The following MAP3K13 variants were observed in gnomAD, a reference collection of about 807,000 sequenced individuals.
MAP3K13 encodes mitogen-activated protein kinase kinase kinase 13.
MAP3K13 carries 52 observed loss-of-function variants against 104.0 expected under a neutral mutation model. That is an observed-to-expected ratio of 0.50 (90% CI 0.40 to 0.63). MAP3K13 has a LOEUF of 0.63. MAP3K13 is among the 20% of genes least tolerant of loss of function. The pLI is 0.00. For synonymous variants in MAP3K13, 394 were observed against 442.2 expected (o/e 0.89, Z 1.37); for missense variants, 914 against 1,218.5 (o/e 0.75, Z 3.72).
In MAP3K13 at chr3:185,486,271, T is replaced by TA. The variant is rs1192453001; in HGVS notation, c.*3816dup. Reference sequence around the variant, plus strand: ...CATACACCTTATGTGGATTAACTGTTATGAGTATGTTAGGGTAGTACGTAG... The same window carrying TA: ...CATACACCTTATGTGGATTAACTGTTAATGAGTATGTTAGGGTAGTACGTAG... On this transcript the variant is annotated 3_prime_UTR_variant, in exon 14 of 14. Transcript: ENST00000265026. The TA allele has an allele frequency of 6.6e-6, 1 of 152,214 alleles. No homozygotes were observed. Among genetic ancestry groups the TA allele is most frequent in the Non-Finnish European group, 1.5e-5 (1 of 68,032 alleles). The allele number at this position is 152,214 out of a possible 1,614,324, so 9.4% of individuals were successfully genotyped here.
chr3:185,423,269 A>C lies in MAP3K13; in HGVS notation c.-85-5228A>C, dbSNP rs1482635257. On this transcript the variant is annotated intron_variant, in intron 1 of 13. Coordinates refer to ENST00000265026, the MANE Select transcript of MAP3K13 (RefSeq NM_004721.5). This position sits in a 1 kb window ranked among gnomAD's most constrained non-coding sequence, Gnocchi z 4.1. ...GTCCGTGGAAGTAGTGTCTTCCACA[A>C]AACTGGTCCCTGGTGCCAAAGAGGT... 6.6e-6 allele frequency among the ~76,000 whole-genome samples: 1 copy of C among 152,214 alleles called. No individual in the cohort carries two copies. The highest frequency in any genetic ancestry group is 1.5e-5 in the Non-Finnish European group (1 of 68,034).
At chr3:185,393,994 C>G (rs531906578) in intron 1 of MAP3K13, among the ~76,000 whole-genome samples, 1 of 152,004 alleles carries the variant, frequency 6.6e-6, no homozygotes, top group Non-Finnish European at 1.5e-5. Flanking sequence ...CAAGTGTGGC[C>G]ACTTATTCAA....
chr3:185,410,405 AT>A (rs1713368006), intron 1 of MAP3K13, among the ~76,000 whole-genome samples: 1 of 152,176 alleles, frequency 6.6e-6, no homozygotes, highest in African/African-American at 2.4e-5. Context: ...GATAGGAGGA[AT>A]AAATTCTACA....
chr3:185,455,329 T>TGA (rs1174355269), intron 7 of MAP3K13, among the ~76,000 whole-genome samples: 22 of 35,288 alleles, frequency 6.2e-4, no homozygotes, highest in South Asian at 1.8e-3. Flanking sequence ...GAGATATATA[T>TGA]GATATATATG....
intron 2 of MAP3K13, among the ~76,000 whole-genome samples, chr3:185,288,180 A>ATCCAAGGACAGATTCT (rs1209811849): frequency 6.6e-6 from 1 of 152,284 alleles, no homozygotes; most frequent in East Asian, 1.9e-4. Flanking sequence ...AATGAATTGA[A>ATCCAAGGACAGATTCT]TCCAAGGACA....
intron 9 of MAP3K13, among the ~76,000 whole-genome samples, chr3:185,466,362 G>A (rs1176179999): frequency 7.0e-6 from 1 of 142,080 alleles, no homozygotes; most frequent in Non-Finnish European, 1.5e-5. Context: ...TTTGAATTTA[G>A]TATTTCCTTT....
At chr3:185,321,014 T>C (rs545200131) in intron 2 of MAP3K13, among the ~76,000 whole-genome samples, 1 of 131,718 alleles carries the variant, frequency 7.6e-6, no homozygotes, top group South Asian at 2.9e-4. Flanking sequence ...TGCATGTATA[T>C]ATACATATGT....
intron 2 of MAP3K13, among the ~76,000 whole-genome samples, chr3:185,300,008 C>T (rs574548866): frequency 1.1e-4 from 16 of 152,318 alleles, no homozygotes; most frequent in African/African-American, 3.4e-4. Context: ...CACCTTTTCT[C>T]TCTTCCCCAT....
intron 2 of MAP3K13, among the ~76,000 whole-genome samples, chr3:185,346,394 T>A (rs1234004996): frequency 6.6e-6 from 1 of 152,264 alleles, no homozygotes; most frequent in Non-Finnish European, 1.5e-5. Context: ...TCTAGTCATC[T>A]ATACATGTTA....
chr3:185,480,549 C>T lies in MAP3K13; in HGVS notation c.2799+20C>T, dbSNP rs186374936. 1.6e-5 allele frequency: 25 copies of T among 1,604,570 alleles called. No individual in the cohort carries two copies. In the African/African-American group the frequency reaches 3.2e-4, roughly 21 times the overall value. On this transcript the variant is annotated intron_variant, in intron 13 of 13. Coordinates refer to ENST00000265026, the MANE Select transcript of MAP3K13 (RefSeq NM_004721.5). ...TATGAGGTGGGGGCTTCTCCCTTCT[C>T]CTCCCATCACTGTTCCCTTTTTTGC...
chr3:185,300,612 C>T (rs1480285442), intron 2 of MAP3K13, among the ~76,000 whole-genome samples: 1 of 152,170 alleles, frequency 6.6e-6, no homozygotes, highest in Non-Finnish European at 1.5e-5. Context: ...TCTGCCTCAG[C>T]CTCCTGACTA....
rs572971707 is a variant in MAP3K13, at chr3:185,473,386, C to T, written c.2055C>T (p.Asn685=). 19 of 1,614,108 alleles carry T rather than the reference C, an allele frequency of 1.2e-5. No homozygotes were observed. The highest frequency in any genetic ancestry group is 1.4e-5 in the Non-Finnish European group (17 of 1,180,048). Residue 685 remains asparagine, a synonymous_variant, in exon 11 of 14, where the codon AAC becomes AAT. Coordinates refer to ENST00000265026, the MANE Select transcript of MAP3K13 (RefSeq NM_004721.5). This position sits in a 1 kb window ranked among gnomAD's most constrained non-coding sequence, Gnocchi z 4.9. ...PAAALRSPLS[N]HAQRQLPGSS... ...CAGCCCTGCGGAGCCCACTCAGCAA[C>T]CATGCTCAGAGACAGCTGCCCGGCT... is the stretch of plus-strand genomic sequence containing the variant.
At chr3:185,330,123 G>A (rs941480700) in intron 2 of MAP3K13, among the ~76,000 whole-genome samples, 1 of 142,728 alleles carries the variant, frequency 7.0e-6, no homozygotes, top group Admixed American at 7.5e-5. Flanking sequence ...GGATGGTCTC[G>A]ATCTCCTGAC....
intron 2 of MAP3K13, among the ~76,000 whole-genome samples, chr3:185,303,226 C>T (rs1721169153): frequency 6.6e-6 from 1 of 152,108 alleles, no homozygotes; most frequent in Non-Finnish European, 1.5e-5. Flanking sequence ...CTGTTGAATT[C>T]TGTTTGCTAA....
At chr3:185,353,461 C>T (rs1360935810) in intron 2 of MAP3K13, among the ~76,000 whole-genome samples, 1 of 152,164 alleles carries the variant, frequency 6.6e-6, no homozygotes, top group Non-Finnish European at 1.5e-5. Context: ...TGGCCAAAAC[C>T]CAGTGATTGG....
chr3:185,367,054 T>C (rs1336283688), intron 1 of MAP3K13, among the ~76,000 whole-genome samples: 1 of 152,210 alleles, frequency 6.6e-6, no homozygotes, highest in Non-Finnish European at 1.5e-5. Context: ...AGTTTTATAG[T>C]TTTAGCTCCA....
chr3:185,419,701 G>A (rs1346878471), intron 1 of MAP3K13, among the ~76,000 whole-genome samples: 1 of 151,912 alleles, frequency 6.6e-6, no homozygotes, highest in African/African-American at 2.4e-5. Context: ...TCATATGGCA[G>A]CTGGATTTAG....
At position 185,455,626 on chromosome 3, in the gene MAP3K13, T is replaced by TATATATC. The variant is rs1560120098; in HGVS notation, c.1278+4237_1278+4238insCATATAT. 9.0e-4 allele frequency among the ~76,000 whole-genome samples: 8 copies of TATATATC among 8,910 alleles called. 1 individual carries two copies. The highest frequency in any genetic ancestry group is 2.7e-3 in the African/African-American group (8 of 2,942). 5.8% of individuals were successfully genotyped at this position (8,910 alleles called of 152,430 possible). On this transcript the variant is annotated intron_variant, in intron 7 of 13. Coordinates refer to ENST00000265026, the MANE Select transcript of MAP3K13 (RefSeq NM_004721.5). ...TATATCATATATATGAGATATATGA[T>TATATATC]ATATATATGATATATATGAGATATA...
chr3:185,451,703 A>C (rs999591030), intron 7 of MAP3K13, among the ~76,000 whole-genome samples: 1 of 152,050 alleles, frequency 6.6e-6, no homozygotes, highest in African/African-American at 2.4e-5. Context: ...CCCCGCTTCT[A>C]CTAAAAATAC....
Sources: allele counts gnomAD v4.1 joint callset (sites outside exome capture counted in the v4.1 genomes callset), GRCh38; gene constraint gnomAD v4.1.1; non-coding constraint Gnocchi (gnomAD v3.1); transcripts MANE v1.5; gene names NCBI Gene and HGNC (gene_info 2026-07-23, HGNC 2026-07-21).